Variants in KLHL29 observed in about 807,000 individuals in gnomAD.
KLHL29 encodes kelch-like protein 29.
Under a neutral mutation model 80.4 loss-of-function variants are expected in KLHL29, and 21 were observed. The observed-to-expected ratio is 0.26, with a 90% confidence interval of 0.19 to 0.38. The LOEUF (loss-of-function observed/expected upper bound fraction) is 0.38, where lower values mean the gene tolerates loss of function less well. Among genes scored for constraint, KLHL29 ranks in the 10% least tolerant of loss-of-function variants. KLHL29 has a pLI of 1.00. For synonymous variants in KLHL29, 511 were observed against 526.8 expected (o/e 0.97, Z 0.41); for missense variants, 867 against 1,223.9 (o/e 0.71, Z 4.35).
chr2:23,420,350 G>T (rs72846871), intron 1 of KLHL29, among the ~76,000 whole-genome samples: 1 of 152,050 alleles, frequency 6.6e-6, no homozygotes, highest in East Asian at 1.9e-4. Flanking sequence ...TTCTCACTGC[G>T]TGCAGCCCGT....
chr2:23,667,972 AG>A (rs1670600328), intron 5 of KLHL29: 1 of 152,234 alleles, frequency 6.6e-6, no homozygotes, highest in Non-Finnish European at 1.5e-5. Context: ...CGAGGGAAGA[AG>A]AACACTGGAT....
intron 2 of KLHL29, among the ~76,000 whole-genome samples, chr2:23,551,340 C>CT (rs1667117546): frequency 6.6e-6 from 1 of 151,832 alleles, no homozygotes. Flanking sequence ...ATCGTGTGTG[C>CT]TTTTTTGAAA....
At chr2:23,605,497 G>A (rs1056044442) in intron 3 of KLHL29, among the ~76,000 whole-genome samples, 3 of 152,046 alleles carry the variant, frequency 2.0e-5, no homozygotes, top group African/African-American at 7.2e-5. Flanking sequence ...CACAGCCCCC[G>A]GCGCCCCAGG....
At chr2:23,478,781 C>T (rs1467825686) in intron 2 of KLHL29, among the ~76,000 whole-genome samples, 2 of 152,240 alleles carry the variant, frequency 1.3e-5, no homozygotes, top group East Asian at 1.9e-4. Flanking sequence ...CTGTCCAGGC[C>T]GTTTGTCCCC....
At chr2:23,475,281 C>A (rs888617350) in intron 1 of KLHL29, among the ~76,000 whole-genome samples, 1 of 147,372 alleles carries the variant, frequency 6.8e-6, no homozygotes, top group Non-Finnish European at 1.5e-5. Flanking sequence ...GGAGGATGGG[C>A]GGGGGATGCC....
At chr2:23,523,302 A>G (rs746044367) in intron 2 of KLHL29, among the ~76,000 whole-genome samples, 1 of 152,174 alleles carries the variant, frequency 6.6e-6, no homozygotes, top group African/African-American at 2.4e-5. Context: ...GAGTTTTCCA[A>G]CCCCTCTTAT....
At chr2:23,476,963 C>T (rs1664657866) in intron 2 of KLHL29, among the ~76,000 whole-genome samples, 1 of 152,274 alleles carries the variant, frequency 6.6e-6, no homozygotes, top group African/African-American at 2.4e-5. Context: ...CACCACATTT[C>T]ATGCTACTGA....
chr2:23,535,806 A>G (rs1236434133), intron 2 of KLHL29, among the ~76,000 whole-genome samples: 1 of 152,224 alleles, frequency 6.6e-6, no homozygotes, highest in East Asian at 1.9e-4. Context: ...GTTTGGAAAG[A>G]TGAAACATTT....
intron 3 of KLHL29, among the ~76,000 whole-genome samples, chr2:23,604,734 A>G (rs1331565149): frequency 1.3e-5 from 2 of 152,174 alleles, no homozygotes; most frequent in African/African-American, 4.8e-5. Flanking sequence ...GACAGAAAGG[A>G]GGACCTTCTG....
At chr2:23,484,591 G>A (rs774465417) in intron 2 of KLHL29, among the ~76,000 whole-genome samples, 22 of 152,212 alleles carry the variant, frequency 1.4e-4, no homozygotes, top group Non-Finnish European at 2.9e-4. Flanking sequence ...TCTGGGATGT[G>A]GGATGGCCCC....
At chr2:23,554,872 G>C (rs542307848) in intron 2 of KLHL29, among the ~76,000 whole-genome samples, 1 of 152,320 alleles carries the variant, frequency 6.6e-6, no homozygotes, top group East Asian at 1.9e-4. Context: ...TCTCCAGCAA[G>C]TGTCCAGGAG....
At chr2:23,554,613 T>A (rs1667236358) in intron 2 of KLHL29, among the ~76,000 whole-genome samples, 1 of 152,158 alleles carries the variant, frequency 6.6e-6, no homozygotes, top group Admixed American at 6.5e-5. Context: ...GCAGCCAGAA[T>A]ACTGTGTGTC....
intron 3 of KLHL29, among the ~76,000 whole-genome samples, chr2:23,632,594 A>C (rs1184122712): frequency 1.3e-5 from 2 of 152,242 alleles, no homozygotes; most frequent in African/African-American, 4.8e-5. Flanking sequence ...GATTCCCCCC[A>C]GGGCAAGCCA....
At chr2:23,464,521 T>C (rs1217562210) in intron 1 of KLHL29, among the ~76,000 whole-genome samples, 1 of 152,190 alleles carries the variant, frequency 6.6e-6, no homozygotes, top group Admixed American at 6.5e-5. Flanking sequence ...TTGACTTCCT[T>C]CACTCCCTCC....
intron 1 of KLHL29, among the ~76,000 whole-genome samples, chr2:23,435,085 T>G (rs2103410873): frequency 6.6e-6 from 1 of 152,026 alleles, no homozygotes; most frequent in East Asian, 1.9e-4. Flanking sequence ...GAACTGGGTG[T>G]GATGGGGGTG....
At chr2:23,538,381 T>C (rs1022888688) in intron 2 of KLHL29, among the ~76,000 whole-genome samples, 2 of 152,220 alleles carry the variant, frequency 1.3e-5, no homozygotes, top group Non-Finnish European at 2.9e-5. Flanking sequence ...TAATTCTCCC[T>C]CCTATCTGTT....
chr2:23,591,849 C>T (rs965644202), intron 3 of KLHL29, among the ~76,000 whole-genome samples: 3 of 152,226 alleles, frequency 2.0e-5, no homozygotes, highest in Non-Finnish European at 4.4e-5. Context: ...CCCCTGGGAG[C>T]GGTGCACATT....
intron 2 of KLHL29, among the ~76,000 whole-genome samples, chr2:23,480,803 T>TGAACTCTACGGGCTGTTA (rs1428010740): frequency 2.6e-5 from 4 of 152,204 alleles, no homozygotes; most frequent in Non-Finnish European, 4.4e-5. Flanking sequence ...CCACCCCACA[T>TGAACTCTACGGGCTGTTA]GAACTCTACG....
At chr2:23,529,597 A>G (rs1666431443) in intron 2 of KLHL29, among the ~76,000 whole-genome samples, 1 of 147,828 alleles carries the variant, frequency 6.8e-6, no homozygotes, top group Non-Finnish European at 1.5e-5. Flanking sequence ...CCACCAAAGC[A>G]CAGGCTTGGT....
Sources: allele counts gnomAD v4.1 joint callset (sites outside exome capture counted in the v4.1 genomes callset), GRCh38; gene constraint gnomAD v4.1.1; transcripts MANE v1.5; gene names NCBI Gene and HGNC (gene_info 2026-07-23, HGNC 2026-07-21).